Variants in SAMD5 observed in about 807,000 individuals in gnomAD.
The protein encoded by SAMD5 is sterile alpha motif domain-containing protein 5.
Under a neutral mutation model 11.3 loss-of-function variants are expected in SAMD5, and 13 were observed. The ratio of observed to expected loss-of-function variants is 1.15; its 90% CI spans 0.75 to 1.83. SAMD5 has a LOEUF of 1.83. SAMD5 is among the 40% of genes most tolerant of loss of function. The pLI is 0.00. For missense variants in SAMD5, 255 were observed against 239.1 expected (o/e 1.07, Z -0.44); for synonymous variants, 129 against 111.3 (o/e 1.16, Z -1.00).
intron 1 of SAMD5, among the ~76,000 whole-genome samples, chr6:147,531,747 T>G (rs1583070645): frequency 6.6e-6 from 1 of 152,336 alleles, no homozygotes; most frequent in South Asian, 2.1e-4. Flanking sequence ...ATGAGGGATA[T>G]TATAGAGTTT....
intron 1 of SAMD5, among the ~76,000 whole-genome samples, chr6:147,706,554 G>C (rs560859631): frequency 6.6e-6 from 1 of 152,308 alleles, no homozygotes; most frequent in Non-Finnish European, 1.5e-5. Flanking sequence ...AAGGAAAGAG[G>C]AAAAACAGTA....
chr6:147,567,965 G>A lies in SAMD5; in HGVS notation c.*3509G>A. The A allele has an allele frequency of 1.0e-6, 1 of 985,884 alleles. No homozygotes were observed. Among genetic ancestry groups the A allele is most frequent in the Non-Finnish European group, 1.2e-6 (1 of 830,318 alleles). The allele number at this position is 985,884 out of a possible 1,614,324, so 61.1% of individuals were successfully genotyped here. A position where few individuals can be genotyped will look rare whatever the true frequency, so the allele number is the denominator to read the frequency against. On this transcript the variant is annotated 3_prime_UTR_variant, in exon 2 of 2. Transcript: ENST00000367474. ...CAAAACAGCAAATTCATAAAGGCCA[G>A]CAGTTTTCAAGTCTGGGGAAATAGG... is the stretch of plus-strand genomic sequence containing the variant.
intron 1 of SAMD5, among the ~76,000 whole-genome samples, chr6:147,640,326 C>CA (rs752696622): frequency 0.02 from 2,429 of 121,612 alleles, 32 homozygotes; most frequent in Non-Finnish European, 0.03. Flanking sequence ...GACTTCATCT[C>CA]AAAAAAAAAA....
the SAMD5 span, among the ~76,000 whole-genome samples, chr6:147,899,031 AT>A: frequency 6.6e-6 from 1 of 151,602 alleles, no homozygotes; most frequent in African/African-American, 2.4e-5. Context: ...ATACAAAAAA[AT>A]TAGCCAGGCG....
chr6:147,795,324 T>C, the SAMD5 span, among the ~76,000 whole-genome samples: 6 of 145,294 alleles, frequency 4.1e-5, 1 homozygote, highest in African/African-American at 1.6e-4. Context: ...TGTTTGGTTT[T>C]TTGTCCTGGC....
At chr6:147,764,151 G>C in the SAMD5 span, among the ~76,000 whole-genome samples, 1 of 152,278 alleles carries the variant, frequency 6.6e-6, no homozygotes, top group South Asian at 2.1e-4. Flanking sequence ...AAATAACTCA[G>C]GTATGTTAAC....
chr6:147,935,596 C>A, the SAMD5 span, among the ~76,000 whole-genome samples: 1 of 149,848 alleles, frequency 6.7e-6, no homozygotes, highest in African/African-American at 2.5e-5. Flanking sequence ...ATTTCAATAT[C>A]ATGAATAAGG....
chr6:147,912,078 T>C, the SAMD5 span, among the ~76,000 whole-genome samples: 1 of 152,138 alleles, frequency 6.6e-6, no homozygotes, highest in Non-Finnish European at 1.5e-5. Flanking sequence ...TCTCATAGAT[T>C]CTGTTGGTCA....
rs371593237 is a variant in SAMD5 at position 147,524,020 on chromosome 6, G to A, written c.459+14633G>A. Reference sequence around the variant, plus strand: ...AGACCTACTTCATTACAGAGAGTTGGTAGAGAGTCAGAGTTAGGTTGGTGA... The same window carrying A: ...AGACCTACTTCATTACAGAGAGTTGATAGAGAGTCAGAGTTAGGTTGGTGA... On this transcript the variant is annotated intron_variant, in intron 1 of 1. Transcript: ENST00000367474. Among the ~76,000 whole-genome samples the A allele has an allele frequency of 3.3e-5, 5 of 152,178 alleles. No individual in the cohort carries two copies. The East Asian group carries it at 5.8e-4, about 18-fold the overall frequency.
At chr6:147,558,911 C>A (rs563344893) in intron 1 of SAMD5, among the ~76,000 whole-genome samples, 7 of 152,308 alleles carry the variant, frequency 4.6e-5, no homozygotes, top group Middle Eastern at 6.8e-3. Context: ...TGAAAATATG[C>A]CCAAGCTCCC....
chr6:147,568,453 G>A lies in SAMD5; in HGVS notation c.*3997G>A, dbSNP rs1789079594. The stretch of plus-strand genomic sequence containing the variant: ...TTAGGTATCAAAATAGGTTTAGGCA[G>A]GTGGAAGTTCTGAATTTCAAGGCAA... On this transcript the variant is annotated 3_prime_UTR_variant, in exon 2 of 2. Coordinates refer to ENST00000367474, the MANE Select transcript of SAMD5 (RefSeq NM_001030060.3). 5.1e-6 allele frequency: 5 copies of A among 985,256 alleles called. No homozygotes were observed. The highest frequency in any genetic ancestry group is 6.0e-6 in the Non-Finnish European group (5 of 829,906). The allele number at this position is 985,256 out of a possible 1,614,324, so 61.0% of individuals were successfully genotyped here. A position where few individuals can be genotyped will look rare whatever the true frequency, so the allele number is the denominator to read the frequency against.
At chr6:147,768,749 T>C in the SAMD5 span, among the ~76,000 whole-genome samples, 1 of 152,164 alleles carries the variant, frequency 6.6e-6, no homozygotes. Context: ...AAGGAACTTA[T>C]CCATCACCTC....
chr6:147,611,270 C>A (rs547774220), intron 1 of SAMD5, among the ~76,000 whole-genome samples: 1 of 152,076 alleles, frequency 6.6e-6, no homozygotes, highest in Non-Finnish European at 1.5e-5. Flanking sequence ...AAAGAAGAGA[C>A]GGAGAATGAT....
the SAMD5 span, among the ~76,000 whole-genome samples, chr6:147,866,761 A>G: frequency 6.6e-6 from 1 of 152,204 alleles, no homozygotes; most frequent in Non-Finnish European, 1.5e-5. Context: ...ATACTTCTGC[A>G]TGGTGTAGAT....
At chr6:147,929,024 A>G in the SAMD5 span, among the ~76,000 whole-genome samples, 1 of 151,624 alleles carries the variant, frequency 6.6e-6, no homozygotes, top group East Asian at 1.9e-4. Context: ...CCAAGAGTAC[A>G]TTTGTGGTGA....
chr6:147,923,869 A>G, the SAMD5 span, among the ~76,000 whole-genome samples: 2 of 152,236 alleles, frequency 1.3e-5, no homozygotes, highest in African/African-American at 4.8e-5. Flanking sequence ...GGTGCTGGGC[A>G]TATATAGGCC....
intron 1 of SAMD5, among the ~76,000 whole-genome samples, chr6:147,655,026 C>A (rs891614007): frequency 6.6e-6 from 1 of 151,992 alleles, no homozygotes; most frequent in African/African-American, 2.4e-5. Flanking sequence ...ATCAAGGCAC[C>A]TAGCAATTTT....
chr6:147,882,493 T>A, the SAMD5 span, among the ~76,000 whole-genome samples: 1 of 152,196 alleles, frequency 6.6e-6, no homozygotes, highest in South Asian at 2.1e-4. Context: ...GGCAGAATGA[T>A]CACTTGAGCC....
chr6:147,629,413 C>A (rs1790106731), intron 1 of SAMD5, among the ~76,000 whole-genome samples: 1 of 152,084 alleles, frequency 6.6e-6, no homozygotes, highest in Non-Finnish European at 1.5e-5. Flanking sequence ...GGTAGAATGA[C>A]AAAGAAATCC....
Sources: gnomAD v4.1 joint callset for allele counts (sites outside exome capture counted in the v4.1 genomes callset) on GRCh38, gnomAD v4.1.1 for gene constraint, MANE v1.5 for transcripts, NCBI Gene and HGNC (gene_info 2026-07-23, HGNC 2026-07-21) for gene names.